The following ASIC2 variants were observed in gnomAD, a reference collection of about 807,000 sequenced individuals.
ASIC2 encodes the protein acid-sensing ion channel 2.
ASIC2 carries 25 observed loss-of-function variants against 57.3 expected under a neutral mutation model. The ratio of observed to expected loss-of-function variants is 0.44; its 90% CI spans 0.32 to 0.61. The LOEUF (loss-of-function observed/expected upper bound fraction) is 0.61, where lower values mean the gene tolerates loss of function less well. Among genes scored for constraint, ASIC2 ranks in the 20% least tolerant of loss-of-function variants. The probability of loss-of-function intolerance (pLI) is 0.06; values close to 1 mark genes in which losing one functional copy is unlikely to be tolerated. For synonymous variants in ASIC2, 319 were observed against 307.5 expected (o/e 1.04, Z -0.39); for missense variants, 641 against 738.1 (o/e 0.87, Z 1.52).
chr17:33,311,508 G>A (rs893571811), intron 1 of ASIC2, among the ~76,000 whole-genome samples: 2 of 151,886 alleles, frequency 1.3e-5, no homozygotes, highest in Admixed American at 6.6e-5. Context: ...ATGCAGGGCA[G>A]CCCAGTTTCT....
At chr17:33,078,401 T>G (rs762904078) in intron 3 of ASIC2, among the ~76,000 whole-genome samples, 1 of 152,236 alleles carries the variant, frequency 6.6e-6, no homozygotes, top group African/African-American at 2.4e-5. Context: ...TAGTTCCTAG[T>G]GTTCAAAGAG....
intron 1 of ASIC2, among the ~76,000 whole-genome samples, chr17:33,625,031 T>C (rs1210337525): frequency 6.6e-6 from 1 of 152,036 alleles, no homozygotes; most frequent in Non-Finnish European, 1.5e-5. Flanking sequence ...GATCCCTTCT[T>C]CCTTGTACCA....
At chr17:33,791,822 T>C (rs533466603) in intron 1 of ASIC2, 1 of 152,312 alleles carries the variant, frequency 6.6e-6, no homozygotes, top group African/African-American at 2.4e-5. Flanking sequence ...TTTTATTTTA[T>C]TTTAAGACAA....
intron 1 of ASIC2, among the ~76,000 whole-genome samples, chr17:33,387,032 C>A (rs545323467): frequency 1.3e-5 from 2 of 152,096 alleles, no homozygotes; most frequent in South Asian, 4.2e-4. Context: ...GGTTTACAGG[C>A]CCCTGCCACC....
intron 1 of ASIC2, among the ~76,000 whole-genome samples, chr17:33,301,939 C>A (rs182069454): frequency 1.3e-4 from 20 of 152,330 alleles, no homozygotes; most frequent in South Asian, 2.1e-4. Flanking sequence ...GCAACAGCAG[C>A]ACAGCTTCTC....
intron 1 of ASIC2, among the ~76,000 whole-genome samples, chr17:33,564,413 C>A (rs928440880): frequency 1.3e-5 from 2 of 152,228 alleles, no homozygotes; most frequent in African/African-American, 4.8e-5. Context: ...GGATCAAGCC[C>A]TTAATCCCAG....
rs999982866 is a variant in ASIC2 at position 33,479,125 on chromosome 17, G to C, written c.556-367058C>G. ...GCGATTCTCCTGCCTCAGCCTCCTG[G>C]GTAGCTGGAACTACAGGTGCGCACC... On this transcript the variant is annotated intron_variant, in intron 1 of 9. Coordinates refer to the ASIC2 transcript ENST00000359872. Among the ~76,000 whole-genome samples the C allele has an allele frequency of 2.0e-5, 3 of 151,774 alleles. No individual in the cohort carries two copies. In the East Asian group the frequency reaches 5.8e-4, roughly 29 times the overall value.
At chr17:33,982,283 A>G (rs1905653849) in intron 1 of ASIC2, among the ~76,000 whole-genome samples, 1 of 152,246 alleles carries the variant, frequency 6.6e-6, no homozygotes, top group African/African-American at 2.4e-5. Context: ...CTGCAAGAAC[A>G]TGGCGATCAC....
At chr17:33,302,629 A>G (rs1906006115) in intron 1 of ASIC2, among the ~76,000 whole-genome samples, 1 of 152,226 alleles carries the variant, frequency 6.6e-6, no homozygotes, top group Non-Finnish European at 1.5e-5. Flanking sequence ...TTTCCCTTGT[A>G]AAAGACCTGG....
chr17:33,910,012 T>C (rs1358833139), intron 1 of ASIC2, among the ~76,000 whole-genome samples: 3 of 152,118 alleles, frequency 2.0e-5, no homozygotes, highest in Admixed American at 6.5e-5. Context: ...ATAGGAGTAA[T>C]AATAGCACCA....
intron 1 of ASIC2, among the ~76,000 whole-genome samples, chr17:34,020,539 G>A (rs185900788): frequency 2.0e-3 from 309 of 152,262 alleles, no homozygotes; most frequent in African/African-American, 6.8e-3. Context: ...CAGACCTGTC[G>A]AGCAGAAGAA....
intron 1 of ASIC2, among the ~76,000 whole-genome samples, chr17:33,695,095 T>C (rs553513327): frequency 1.4e-4 from 21 of 152,366 alleles, no homozygotes; most frequent in African/African-American, 4.8e-4. Flanking sequence ...AAAAGTTTTT[T>C]GTTTAGTAGC....
intron 1 of ASIC2, among the ~76,000 whole-genome samples, chr17:33,479,494 G>C (rs754332818): frequency 6.6e-6 from 1 of 152,180 alleles, no homozygotes; most frequent in Non-Finnish European, 1.5e-5. Flanking sequence ...GAAAGAAATT[G>C]TTTGTCTTGC....
intron 1 of ASIC2, among the ~76,000 whole-genome samples, chr17:34,085,623 C>T (rs902915500): frequency 1.4e-4 from 21 of 152,092 alleles, no homozygotes; most frequent in Non-Finnish European, 2.5e-4. Flanking sequence ...GTACCAGTTC[C>T]TCCTTGTACC....
chr17:33,982,147 C>T (rs921120624), intron 1 of ASIC2, among the ~76,000 whole-genome samples: 7 of 152,212 alleles, frequency 4.6e-5, no homozygotes, highest in African/African-American at 1.7e-4. Flanking sequence ...TGCCTGGAGC[C>T]ATTGCTTGGA....
At chr17:33,747,330 C>T (rs1910298932) in intron 1 of ASIC2, among the ~76,000 whole-genome samples, 1 of 148,162 alleles carries the variant, frequency 6.7e-6, no homozygotes, top group Admixed American at 6.9e-5. Flanking sequence ...CTTACGTGAT[C>T]CTCCCACCTC....
chr17:33,615,160 A>T (rs914614609), intron 1 of ASIC2, among the ~76,000 whole-genome samples: 1 of 152,252 alleles, frequency 6.6e-6, no homozygotes, highest in African/African-American at 2.4e-5. Context: ...TCAATCTTGT[A>T]TATAAAACTT....
intron 1 of ASIC2, among the ~76,000 whole-genome samples, chr17:33,409,887 A>T (rs1192422462): frequency 6.6e-6 from 1 of 152,048 alleles, no homozygotes. Flanking sequence ...GATTCAGCCC[A>T]CCCCCAGTTT....
At chr17:33,597,926 G>T (rs536210112) in intron 1 of ASIC2, among the ~76,000 whole-genome samples, 1 of 151,864 alleles carries the variant, frequency 6.6e-6, no homozygotes, top group African/African-American at 2.4e-5. Flanking sequence ...AATTCAATAC[G>T]TGCAGAATGT....
Sources: allele counts gnomAD v4.1 joint callset (sites outside exome capture counted in the v4.1 genomes callset), GRCh38; gene constraint gnomAD v4.1.1; transcripts MANE v1.5; gene names NCBI Gene and HGNC (gene_info 2026-07-23, HGNC 2026-07-21).